Variants in EYS observed in about 807,000 individuals in gnomAD.
EYS encodes the protein protein eyes shut homolog.
EYS carries 250 observed loss-of-function variants against 282.1 expected under a neutral mutation model. That is an observed-to-expected ratio of 0.89 (90% confidence interval 0.80 to 0.98). The LOEUF is 0.98. Ranked by LOEUF, EYS falls within the 50% of genes least tolerant of loss-of-function variation. EYS has a pLI of 0.00. For missense variants in EYS, 4,016 were observed against 3,709.0 expected, an observed-to-expected ratio of 1.08 and a Z score of -2.15; for synonymous variants, 1,355 against 1,282.9, an observed-to-expected ratio of 1.06 and a Z score of -1.20.
chr6:65,347,068 G>C (rs62408721), intron 9 of EYS, among the ~76,000 whole-genome samples: 62,036 of 151,554 alleles, frequency 0.41, 12,842 homozygotes, highest in Non-Finnish European at 0.46. Context: ...AGGTCAAATG[G>C]TATAGAATTT....
chr6:64,974,872 T>C (rs1770424022), intron 14 of EYS, among the ~76,000 whole-genome samples: 1 of 151,886 alleles, frequency 6.6e-6, no homozygotes, highest in Admixed American at 6.6e-5. Flanking sequence ...TGGGTAAGAA[T>C]ATTACATTGA....
At chr6:65,282,716 A>G (rs185351508) in intron 12 of EYS, among the ~76,000 whole-genome samples, 132 of 152,080 alleles carry the variant, frequency 8.7e-4, no homozygotes, top group African/African-American at 3.1e-3. Context: ...CTCACTAATA[A>G]TGGCTTTCCA....
chr6:64,645,537 G>A (rs1438309604), intron 22 of EYS, among the ~76,000 whole-genome samples: 4 of 152,160 alleles, frequency 2.6e-5, no homozygotes, highest in Non-Finnish European at 5.9e-5. Context: ...ATCAGACGGC[G>A]TGGAGATGAG....
intron 2 of EYS, among the ~76,000 whole-genome samples, chr6:65,593,145 C>A (rs1009505003): frequency 6.6e-6 from 1 of 151,970 alleles, no homozygotes; most frequent in African/African-American, 2.4e-5. Context: ...TAAAGATGCA[C>A]CTTATTAAGA....
Position 64,591,528 on chromosome 6 carries a change from C to G in EYS, c.4339G>C (p.Gly1447Arg), listed in dbSNP as rs1459655912. Residue 1447 changes from glycine to arginine, a missense_variant, in exon 26 of 43, where the codon GGA (glycine) becomes CGA (arginine). Transcript: ENST00000503581. Reference protein sequence around the residue: ...ELNRQSLLSRGFLLIAASISA... With the variant: ...ELNRQSLLSRRFLLIAASISA... ...ATGGAGGCAGCTATAAGCAGGAATC[C>G]ACGGGAGAGTAATGACTGCCTGTTT... 4 of 1,551,168 alleles carry G rather than the reference C, an allele frequency of 2.6e-6. No individual in the cohort carries two copies. The highest frequency in any genetic ancestry group is 2.6e-6 in the Non-Finnish European group (3 of 1,146,770).
At chr6:63,983,490 T>C (rs1193754124) in intron 35 of EYS, among the ~76,000 whole-genome samples, 1 of 151,820 alleles carries the variant, frequency 6.6e-6, no homozygotes, top group Non-Finnish European at 1.5e-5. Flanking sequence ...CTTGTTTCTG[T>C]CTACCATTTT....
At chr6:64,555,078 C>T (rs983349933) in intron 26 of EYS, among the ~76,000 whole-genome samples, 1 of 151,834 alleles carries the variant, frequency 6.6e-6, no homozygotes, top group Non-Finnish European at 1.5e-5. Flanking sequence ...TTCATGTTTA[C>T]TGCAACACTA....
intron 26 of EYS, among the ~76,000 whole-genome samples, chr6:64,585,471 T>C (rs907284386): frequency 1.3e-5 from 2 of 152,136 alleles, no homozygotes; most frequent in Non-Finnish European, 2.9e-5. Context: ...AAAATAAATG[T>C]TGAAACTTTT....
At chr6:65,358,976 G>A (rs1221519005) in intron 8 of EYS, among the ~76,000 whole-genome samples, 2 of 151,954 alleles carry the variant, frequency 1.3e-5, no homozygotes, top group Non-Finnish European at 2.9e-5. Flanking sequence ...GAATGCCAAG[G>A]TTTGGAAATA....
chr6:65,369,216 C>A (rs1765030201), intron 8 of EYS, among the ~76,000 whole-genome samples: 1 of 146,782 alleles, frequency 6.8e-6, no homozygotes, highest in Admixed American at 7.2e-5. Context: ...TGTGACCAAG[C>A]AGTACATATA....
intron 12 of EYS, among the ~76,000 whole-genome samples, chr6:65,260,358 T>G (rs889012320): frequency 6.6e-6 from 1 of 152,136 alleles, no homozygotes; most frequent in Non-Finnish European, 1.5e-5. Context: ...TTCAAAGACC[T>G]GCCTGCAGAT....
intron 12 of EYS, among the ~76,000 whole-genome samples, chr6:65,093,376 A>C (rs1283109807): frequency 6.6e-6 from 1 of 152,020 alleles, no homozygotes; most frequent in African/African-American, 2.4e-5. Flanking sequence ...AAACAAGAAT[A>C]CTGTAATACC....
chr6:64,244,459 C>T (rs1398412480), intron 30 of EYS, among the ~76,000 whole-genome samples: 2 of 152,086 alleles, frequency 1.3e-5, no homozygotes, highest in Admixed American at 6.5e-5. Flanking sequence ...TTGAACAGAA[C>T]GTTTTCAGTG....
rs1483362971 is a variant in EYS at position 65,511,366 on chromosome 6, T to TGTGA, written c.-332-15374_-332-15373insTCAC. Among the ~76,000 whole-genome samples the TGTGA allele has an allele frequency of 1.9e-3, 283 of 145,884 alleles. 1 individual carries two copies. The highest frequency in any genetic ancestry group is 6.1e-3 in the African/African-American group (238 of 39,336). On this transcript the variant is annotated intron_variant, in intron 2 of 42. Transcript: ENST00000503581. ...CTGTGTGTGTGTGTGTGTGTGTGTG[T>TGTGA]GAGAGAGAGAGAGAGAGAGAAAAGA...
intron 22 of EYS, among the ~76,000 whole-genome samples, chr6:64,646,428 C>A (rs182947025): frequency 1.3e-5 from 2 of 152,146 alleles, no homozygotes; most frequent in Admixed American, 1.3e-4. Flanking sequence ...GACATTTAAC[C>A]TTCTTTTCCC....
chr6:65,567,835 C>G (rs1367754295), intron 2 of EYS, among the ~76,000 whole-genome samples: 2 of 152,078 alleles, frequency 1.3e-5, no homozygotes, highest in Non-Finnish European at 2.9e-5. Context: ...GTGGGCCTCT[C>G]TGGACCCTTA....
intron 12 of EYS, among the ~76,000 whole-genome samples, chr6:65,136,281 T>C (rs1260117544): frequency 6.6e-6 from 1 of 152,066 alleles, no homozygotes; most frequent in Admixed American, 6.6e-5. Context: ...TATAAATTAA[T>C]AGTAAAATAT....
chr6:64,468,808 A>T (rs765228978), intron 26 of EYS, among the ~76,000 whole-genome samples: 33 of 152,242 alleles, frequency 2.2e-4, no homozygotes, highest in Admixed American at 5.9e-4. Context: ...TTCCAATTTC[A>T]TCTTTGTTGC....
intron 12 of EYS, among the ~76,000 whole-genome samples, chr6:65,144,913 G>T (rs1764439492): frequency 6.6e-6 from 1 of 151,704 alleles, no homozygotes; most frequent in South Asian, 2.1e-4. Flanking sequence ...GGGATTATAG[G>T]CATGCCCCAT....
Sources: allele counts gnomAD v4.1 joint callset (sites outside exome capture counted in the v4.1 genomes callset), GRCh38; gene constraint gnomAD v4.1.1; transcripts MANE v1.5; gene names NCBI Gene and HGNC (gene_info 2026-07-23, HGNC 2026-07-21).